CADM2: variants seen among roughly 807,000 people sequenced by gnomAD.
CADM2 encodes the protein immunoglobulin superfamily member 4D.
In CADM2, 12 loss-of-function variants were observed where a neutral mutation model predicts 49.8. The observed-to-expected ratio is 0.24, with a 90% CI of 0.15 to 0.39. The LOEUF is 0.39. Ranked by LOEUF, CADM2 falls within the 10% of genes least tolerant of loss-of-function variation. CADM2 has a pLI of 1.00. For synonymous variants in CADM2, 214 were observed against 175.4 expected (o/e 1.22, Z -1.74); for missense variants, 378 against 492.3 (o/e 0.77, Z 2.20).
intron 1 of CADM2, among the ~76,000 whole-genome samples, chr3:84,981,108 C>T (rs1274897401): frequency 2.0e-5 from 3 of 148,504 alleles, no homozygotes; most frequent in Non-Finnish European, 4.5e-5. Flanking sequence ...GGTATATCTC[C>T]TAAAGCTATC....
intron 1 of CADM2, among the ~76,000 whole-genome samples, chr3:85,034,790 CTTT>C (rs1179967499): frequency 1.8e-4 from 15 of 84,054 alleles, no homozygotes; most frequent in Admixed American, 3.3e-4. Flanking sequence ...AGACATTTTG[CTTT>C]TTTTTTTTTT....
At chr3:84,968,426 G>A (rs984257524) in intron 1 of CADM2, among the ~76,000 whole-genome samples, 1 of 152,072 alleles carries the variant, frequency 6.6e-6, no homozygotes, top group African/African-American at 2.4e-5. Context: ...CAGGGATCAT[G>A]TGGGATAGAA....
At chr3:85,979,437 A>C (rs1377124444) in intron 8 of CADM2, among the ~76,000 whole-genome samples, 1 of 151,728 alleles carries the variant, frequency 6.6e-6, no homozygotes, top group Non-Finnish European at 1.5e-5. Context: ...TTATTGGAAT[A>C]GAATATGAGA....
At chr3:84,965,505 A>T (rs1241006310) in intron 1 of CADM2, among the ~76,000 whole-genome samples, 1 of 152,380 alleles carries the variant, frequency 6.6e-6, no homozygotes, top group East Asian at 1.9e-4. Flanking sequence ...AAGAGAGAAC[A>T]TATATTTTGT....
intron 1 of CADM2, among the ~76,000 whole-genome samples, chr3:85,090,062 G>A (rs1461826614): frequency 1.3e-5 from 2 of 151,736 alleles, no homozygotes; most frequent in Non-Finnish European, 2.9e-5. Context: ...TTGAAATTAT[G>A]TTTAAATGGA....
chr3:86,039,580 A>G (rs1437489600), intron 8 of CADM2, among the ~76,000 whole-genome samples: 1 of 152,110 alleles, frequency 6.6e-6, no homozygotes, highest in Non-Finnish European at 1.5e-5. Context: ...AAACAAAGCA[A>G]CCTTGAAGCT....
intron 7 of CADM2, 33 bp downstream of exon 7, chr3:85,935,890 C>CT: frequency 3.1e-6 from 4 of 1,286,356 alleles, no homozygotes; most frequent in South Asian, 2.5e-5. Context: ...AAGCTTTTAA[C>CT]TTTTTTTCTT....
intron 1 of CADM2, among the ~76,000 whole-genome samples, chr3:85,457,216 C>A (rs1026912792): frequency 2.0e-5 from 3 of 151,978 alleles, no homozygotes; most frequent in African/African-American, 4.8e-5. Context: ...AGGTTGGTAC[C>A]AGTCTGGGCA....
At chr3:85,190,219 C>T (rs1161653564) in intron 1 of CADM2, among the ~76,000 whole-genome samples, 1 of 152,048 alleles carries the variant, frequency 6.6e-6, no homozygotes, top group Admixed American at 6.6e-5. Flanking sequence ...GGGATCATTT[C>T]AGAGGATACT....
chr3:85,502,378 T>G (rs919649424), intron 1 of CADM2, among the ~76,000 whole-genome samples: 8 of 152,052 alleles, frequency 5.3e-5, no homozygotes, highest in Non-Finnish European at 1.0e-4. Context: ...CTTTGGTCGT[T>G]GGCTACTCTT....
intron 8 of CADM2, chr3:86,013,749 G>A (rs924265350): frequency 1.3e-6 from 2 of 1,592,226 alleles, no homozygotes; most frequent in Non-Finnish European, 1.7e-6. Context: ...AGCTGATGCA[G>A]AAATTTTGGC....
At chr3:85,947,626 A>G (rs528978271) in intron 7 of CADM2, among the ~76,000 whole-genome samples, 2 of 151,468 alleles carry the variant, frequency 1.3e-5, no homozygotes, top group East Asian at 3.9e-4. Flanking sequence ...TTTTGCTTCT[A>G]TTTTATGGTT....
At chr3:85,263,274 T>G (rs1198406141) in intron 1 of CADM2, among the ~76,000 whole-genome samples, 1 of 152,082 alleles carries the variant, frequency 6.6e-6, no homozygotes, top group East Asian at 1.9e-4. Flanking sequence ...ATTACAGACA[T>G]AAGCCACCGC....
intron 1 of CADM2, among the ~76,000 whole-genome samples, chr3:85,677,591 A>G (rs1330039787): frequency 6.6e-6 from 1 of 152,178 alleles, no homozygotes; most frequent in East Asian, 1.9e-4. Flanking sequence ...AATAAAATAT[A>G]TAGATAAAAT....
intron 1 of CADM2, among the ~76,000 whole-genome samples, chr3:85,151,513 A>G (rs1292361594): frequency 6.6e-6 from 1 of 152,236 alleles, no homozygotes; most frequent in Non-Finnish European, 1.5e-5. Flanking sequence ...CTTATAGTTT[A>G]TGCTGCCAAA....
chr3:85,388,010 A>C (rs1279538239), intron 1 of CADM2, among the ~76,000 whole-genome samples: 2 of 152,178 alleles, frequency 1.3e-5, no homozygotes, highest in African/African-American at 4.8e-5. Flanking sequence ...TTTCTTAGAG[A>C]CCCTGACATA....
intron 1 of CADM2, among the ~76,000 whole-genome samples, chr3:85,435,027 A>G (rs2036860404): frequency 2.6e-5 from 4 of 151,834 alleles, no homozygotes; most frequent in African/African-American, 9.7e-5. Context: ...ATTTTATTTC[A>G]TTTTTTATTA....
intron 1 of CADM2, among the ~76,000 whole-genome samples, chr3:85,219,361 A>C (rs1026283673): frequency 6.6e-6 from 1 of 152,180 alleles, no homozygotes. Context: ...CCAAAAATAC[A>C]CTGATCTTGT....
chr3:85,887,536 A>T (rs1313096344), intron 5 of CADM2, among the ~76,000 whole-genome samples: 1 of 151,958 alleles, frequency 6.6e-6, no homozygotes, highest in African/African-American at 2.4e-5. Context: ...TCCTGTTTTA[A>T]TTACTCTTTC....
Sources: gnomAD v4.1 joint callset for allele counts (sites outside exome capture counted in the v4.1 genomes callset) on GRCh38, gnomAD v4.1.1 for gene constraint, MANE v1.5 for transcripts, NCBI Gene and HGNC (gene_info 2026-07-23, HGNC 2026-07-21) for gene names.